Variants in NRXN3 observed in about 807,000 individuals in gnomAD.
NRXN3 encodes the protein neurexin 3, also known as neurexin III.
Under a neutral mutation model 137.6 loss-of-function variants are expected in NRXN3, and 32 were observed. The observed-to-expected ratio is 0.23, with a 90% CI of 0.18 to 0.31. NRXN3 has a LOEUF of 0.31. Among genes scored for constraint, NRXN3 ranks in the 10% least tolerant of loss-of-function variants. The pLI, the probability that NRXN3 is intolerant of heterozygous loss-of-function variation, is 1.00. For synonymous variants in NRXN3, 798 were observed against 784.5 expected, an observed-to-expected ratio of 1.02 and a Z score of -0.29; for missense variants, 1,574 against 2,062.5, an observed-to-expected ratio of 0.76 and a Z score of 4.59.
At chr14:79,239,832 C>T (rs2073992641) in intron 15 of NRXN3, among the ~76,000 whole-genome samples, 1 of 152,074 alleles carries the variant, frequency 6.6e-6, no homozygotes, top group African/African-American at 2.4e-5. Flanking sequence ...CAGCCTTAAA[C>T]AAGAAAGAAT....
At chr14:79,747,054 T>C (rs951604020) in intron 19 of NRXN3, among the ~76,000 whole-genome samples, 2 of 152,060 alleles carry the variant, frequency 1.3e-5, no homozygotes, top group Admixed American at 6.6e-5. Context: ...CTCTCAGCAG[T>C]TGATGCCAAG....
At chr14:79,042,519 C>T (rs1360958127) in intron 15 of NRXN3, among the ~76,000 whole-genome samples, 1 of 152,176 alleles carries the variant, frequency 6.6e-6, no homozygotes, top group Non-Finnish European at 1.5e-5. Context: ...CTCCATAAAT[C>T]ATACTCATGC....
intron 4 of NRXN3, among the ~76,000 whole-genome samples, chr14:78,349,141 A>C (rs1250887358): frequency 6.6e-6 from 1 of 152,254 alleles, no homozygotes; most frequent in East Asian, 1.9e-4. Flanking sequence ...GATTACAAAC[A>C]TTGCAGGTGT....
At chr14:79,452,750 G>T (rs2096197321) in intron 15 of NRXN3, among the ~76,000 whole-genome samples, 1 of 152,140 alleles carries the variant, frequency 6.6e-6, no homozygotes, top group South Asian at 2.1e-4. Context: ...GTGTAATTAG[G>T]CAGGAGAAAT....
intron 16 of NRXN3, among the ~76,000 whole-genome samples, chr14:79,616,462 GA>G (rs2098157137): frequency 6.6e-6 from 1 of 152,026 alleles, no homozygotes; most frequent in Non-Finnish European, 1.5e-5. Flanking sequence ...GGTCAATTAA[GA>G]AAAAGGGAGA....
intron 4 of NRXN3, among the ~76,000 whole-genome samples, chr14:78,325,563 A>G (rs1361053394): frequency 1.3e-5 from 2 of 152,088 alleles, no homozygotes; most frequent in South Asian, 2.1e-4. Context: ...TATTTTTATC[A>G]TTATCATCAT....
At chr14:79,498,787 T>C (rs566857052) in intron 16 of NRXN3, among the ~76,000 whole-genome samples, 1 of 152,334 alleles carries the variant, frequency 6.6e-6, no homozygotes, top group East Asian at 1.9e-4. Context: ...CAATCTTTTA[T>C]TTCATTATTT....
chr14:79,424,765 T>C (rs1029920582), intron 15 of NRXN3, among the ~76,000 whole-genome samples: 4 of 152,204 alleles, frequency 2.6e-5, no homozygotes, highest in Non-Finnish European at 5.9e-5. Flanking sequence ...AAAATAGTAG[T>C]CCTTCTAATT....
chr14:78,455,817 ATTTG>A (rs764035188), intron 4 of NRXN3, among the ~76,000 whole-genome samples: 5 of 152,096 alleles, frequency 3.3e-5, no homozygotes, highest in Non-Finnish European at 7.4e-5. Flanking sequence ...CCAGAACTCA[ATTTG>A]TTGAGCTGCT....
chr14:79,711,954 C>CT (rs2098805977), intron 19 of NRXN3, among the ~76,000 whole-genome samples: 1 of 152,138 alleles, frequency 6.6e-6, no homozygotes, highest in Non-Finnish European at 1.5e-5. Flanking sequence ...GCTGAGGTCT[C>CT]TATTGCATGA....
At chr14:78,270,980 C>G (rs1190294459) in intron 2 of NRXN3, among the ~76,000 whole-genome samples, 2 of 152,180 alleles carry the variant, frequency 1.3e-5, no homozygotes, top group Non-Finnish European at 2.9e-5. Context: ...AAACTTGTAC[C>G]AGCAACTTCA....
At chr14:78,700,701 CCTGTGATAGA>C (rs1256021847) in intron 6 of NRXN3, among the ~76,000 whole-genome samples, 7 of 152,082 alleles carry the variant, frequency 4.6e-5, no homozygotes, top group Non-Finnish European at 1.0e-4. Context: ...AAAGAGCAAG[CCTGTGATAGA>C]CTGTGATAGA....
At chr14:78,501,984 A>G (rs892991468) in intron 4 of NRXN3, among the ~76,000 whole-genome samples, 3 of 152,086 alleles carry the variant, frequency 2.0e-5, no homozygotes, top group African/African-American at 7.2e-5. Flanking sequence ...ATCTCCTATA[A>G]CAGAACTATA....
chr14:78,712,649 A>T (rs960558339), intron 7 of NRXN3, among the ~76,000 whole-genome samples: 4 of 151,970 alleles, frequency 2.6e-5, no homozygotes, highest in African/African-American at 9.7e-5. Context: ...TGCAATCCCC[A>T]CCTCCCGGGT....
chr14:78,714,511 A>G (rs2098422880), intron 7 of NRXN3, among the ~76,000 whole-genome samples: 1 of 152,162 alleles, frequency 6.6e-6, no homozygotes, highest in Non-Finnish European at 1.5e-5. Flanking sequence ...TAGAGAAAAG[A>G]TACACTAGAT....
intron 15 of NRXN3, among the ~76,000 whole-genome samples, chr14:79,160,367 T>G (rs2060642613): frequency 1.3e-5 from 2 of 151,968 alleles, no homozygotes; most frequent in Admixed American, 1.3e-4. Context: ...CCATTCTATG[T>G]AGTGCCTCTT....
chr14:78,236,108 A>G (rs2066262030), intron 1 of NRXN3, among the ~76,000 whole-genome samples: 2 of 152,236 alleles, frequency 1.3e-5, no homozygotes, highest in African/African-American at 4.8e-5. Context: ...CAGGAAGTGC[A>G]TTAAGTTGCT....
intron 17 of NRXN3, among the ~76,000 whole-genome samples, chr14:79,669,417 C>G (rs1393244506): frequency 2.0e-5 from 3 of 152,228 alleles, no homozygotes; most frequent in East Asian, 3.9e-4. Flanking sequence ...ATCACTCAAA[C>G]TAGTGTATCT....
At chr14:79,517,095 C>CCG (rs1555499652) in intron 16 of NRXN3, among the ~76,000 whole-genome samples, 1 of 133,918 alleles carries the variant, frequency 7.5e-6, no homozygotes, top group East Asian at 2.1e-4. Context: ...ATGTACAGCC[C>CCG]CCCCCCCCTC....
Sources: allele counts gnomAD v4.1 joint callset (sites outside exome capture counted in the v4.1 genomes callset), GRCh38; gene constraint gnomAD v4.1.1; transcripts MANE v1.5; gene names NCBI Gene and HGNC (gene_info 2026-07-23, HGNC 2026-07-21).